MACROD2: variants seen among roughly 807,000 people sequenced by gnomAD.
MACROD2 encodes the protein mono-ADP ribosylhydrolase 2.
MACROD2 carries 36 observed loss-of-function variants against 70.4 expected under a neutral mutation model. The ratio of observed to expected loss-of-function variants is 0.51; its 90% CI spans 0.39 to 0.68. The LOEUF (loss-of-function observed/expected upper bound fraction) is 0.68, where lower values mean the gene tolerates loss of function less well. Ranked by LOEUF, MACROD2 falls within the 30% of genes least tolerant of loss-of-function variation. MACROD2 has a pLI of 0.00. For synonymous variants in MACROD2, 172 were observed against 178.8 expected, an observed-to-expected ratio of 0.96 and a Z score of 0.30; for missense variants, 496 against 538.4, an observed-to-expected ratio of 0.92 and a Z score of 0.78.
chr20:14,901,784 C>T (rs2073897835), intron 5 of MACROD2, among the ~76,000 whole-genome samples: 1 of 152,176 alleles, frequency 6.6e-6, no homozygotes, highest in Non-Finnish European at 1.5e-5. Context: ...TCTCTAGCCT[C>T]ATTTGCCAGA....
intron 6 of MACROD2, among the ~76,000 whole-genome samples, chr20:15,296,150 T>A (rs908726375): frequency 6.6e-6 from 1 of 152,150 alleles, no homozygotes; most frequent in Admixed American, 6.6e-5. Flanking sequence ...CAGCCCCAGT[T>A]AGCCGCTACC....
intron 13 of MACROD2, among the ~76,000 whole-genome samples, chr20:15,981,427 T>C (rs1221707681): frequency 6.6e-6 from 1 of 152,186 alleles, no homozygotes; most frequent in Non-Finnish European, 1.5e-5. Context: ...TATGCAATAA[T>C]TGAGACTTTT....
chr20:14,322,078 G>C (rs2082665717), intron 3 of MACROD2, among the ~76,000 whole-genome samples: 1 of 147,932 alleles, frequency 6.8e-6, no homozygotes, highest in Non-Finnish European at 1.5e-5. Context: ...TTGGAATTTA[G>C]TCTTATTAAT....
chr20:15,102,776 T>C (rs2075882872), intron 5 of MACROD2, among the ~76,000 whole-genome samples: 1 of 151,840 alleles, frequency 6.6e-6, no homozygotes, highest in Admixed American at 6.6e-5. Flanking sequence ...AGCAAAAAAT[T>C]AGAAACAACC....
intron 8 of MACROD2, among the ~76,000 whole-genome samples, chr20:15,730,637 C>T (rs547126297): frequency 6.6e-6 from 1 of 152,054 alleles, no homozygotes; most frequent in African/African-American, 2.4e-5. Flanking sequence ...TTATTCCAAC[C>T]TCAGAGAATC....
chr20:15,966,065 A>G (rs2066136274), intron 12 of MACROD2, among the ~76,000 whole-genome samples: 1 of 152,226 alleles, frequency 6.6e-6, no homozygotes, highest in African/African-American at 2.4e-5. Context: ...CAAGAAACAA[A>G]CTTTCTCATA....
chr20:14,446,145 T>C (rs1032901585), intron 3 of MACROD2, among the ~76,000 whole-genome samples: 1 of 152,096 alleles, frequency 6.6e-6, no homozygotes, highest in Non-Finnish European at 1.5e-5. Flanking sequence ...AACTTTGTAT[T>C]GCCACACTTT....
chr20:15,464,056 G>T (rs1568827029), intron 7 of MACROD2, among the ~76,000 whole-genome samples: 2 of 152,102 alleles, frequency 1.3e-5, no homozygotes, highest in Non-Finnish European at 2.9e-5. Flanking sequence ...TTGTTTGTTT[G>T]TTTTTTTCCA....
intron 8 of MACROD2, among the ~76,000 whole-genome samples, chr20:15,520,171 C>T (rs1040406434): frequency 6.6e-6 from 1 of 152,132 alleles, no homozygotes; most frequent in African/African-American, 2.4e-5. Flanking sequence ...TAGAACTGAT[C>T]TATTTTTTTC....
intron 5 of MACROD2, among the ~76,000 whole-genome samples, chr20:14,844,605 T>A (rs2073120652): frequency 1.3e-5 from 2 of 152,082 alleles, no homozygotes; most frequent in Non-Finnish European, 2.9e-5. Context: ...ACCTAAATAC[T>A]CCTTCTTGTT....
At chr20:15,430,086 G>T (rs2046345820) in intron 6 of MACROD2, among the ~76,000 whole-genome samples, 1 of 151,880 alleles carries the variant, frequency 6.6e-6, no homozygotes, top group Non-Finnish European at 1.5e-5. Context: ...CTATATTGCT[G>T]CAAAACACAT....
chr20:15,628,955 A>T (rs1003418963), intron 8 of MACROD2, among the ~76,000 whole-genome samples: 1 of 152,234 alleles, frequency 6.6e-6, no homozygotes, highest in African/African-American at 2.4e-5. Flanking sequence ...CTTCATTTTC[A>T]TTGCAGTATT....
At chr20:15,443,252 T>TG (rs935222835) in intron 7 of MACROD2, among the ~76,000 whole-genome samples, 1 of 152,094 alleles carries the variant, frequency 6.6e-6, no homozygotes, top group Non-Finnish European at 1.5e-5. Context: ...CTAGGAACTC[T>TG]GGGGAAATGT....
chr20:15,429,062 C>T lies in MACROD2; in HGVS notation c.541-2343C>T, dbSNP rs182750498. On this transcript the variant is annotated intron_variant, in intron 6 of 17. Coordinates refer to ENST00000684519, the MANE Select transcript of MACROD2 (RefSeq NM_001351661.2). Reference sequence around the variant, plus strand: ...AAATATGGGGATGAATCTGAATCCTCTCTGATTTGTATTTTTAAGTAGACT... The same window carrying T: ...AAATATGGGGATGAATCTGAATCCTTTCTGATTTGTATTTTTAAGTAGACT... Among the ~76,000 whole-genome samples the T allele has an allele frequency of 6.2e-4, 95 of 152,236 alleles. 1 individual carries two copies. The highest frequency in any genetic ancestry group is 2.1e-3 in the African/African-American group (88 of 41,540).
chr20:15,593,231 C>G (rs2048702485), intron 8 of MACROD2, among the ~76,000 whole-genome samples: 1 of 152,090 alleles, frequency 6.6e-6, no homozygotes. Flanking sequence ...ATGCTGTGAC[C>G]CACAGGACTT....
chr20:14,309,410 C>T (rs183538066), intron 3 of MACROD2, among the ~76,000 whole-genome samples: 148 of 152,264 alleles, frequency 9.7e-4, no homozygotes, highest in African/African-American at 3.4e-3. Context: ...AATCTCACCA[C>T]TCAGAAGTAA....
chr20:15,742,815 T>G (rs2051124352), intron 8 of MACROD2, among the ~76,000 whole-genome samples: 1 of 152,198 alleles, frequency 6.6e-6, no homozygotes, highest in African/African-American at 2.4e-5. Flanking sequence ...TTCATTTCAA[T>G]GAGAATGCAG....
intron 3 of MACROD2, among the ~76,000 whole-genome samples, chr20:14,275,330 A>G (rs908687271): frequency 2.0e-5 from 3 of 152,156 alleles, no homozygotes; most frequent in African/African-American, 7.2e-5. Flanking sequence ...AACGTCGCAT[A>G]TCTGCAAGTA....
At chr20:14,928,232 T>G (rs2074256595) in intron 5 of MACROD2, among the ~76,000 whole-genome samples, 2 of 103,886 alleles carry the variant, frequency 1.9e-5, no homozygotes, top group South Asian at 8.3e-4. Flanking sequence ...CATGCCAATG[T>G]CAGTGTAGAA....
Sources: gnomAD v4.1 joint callset for allele counts (sites outside exome capture counted in the v4.1 genomes callset) on GRCh38, gnomAD v4.1.1 for gene constraint, MANE v1.5 for transcripts, NCBI Gene and HGNC (gene_info 2026-07-23, HGNC 2026-07-21) for gene names.